The following ARID4A variants were observed in gnomAD, a reference collection of about 807,000 sequenced individuals.
The protein encoded by ARID4A is AT-rich interactive domain-containing protein 4A.
ARID4A carries 39 observed loss-of-function variants against 148.6 expected under a neutral mutation model. That is an observed-to-expected ratio of 0.26 (90% CI 0.20 to 0.34). The LOEUF (loss-of-function observed/expected upper bound fraction) is 0.34, where lower values mean the gene tolerates loss of function less well. ARID4A is among the 10% of genes least tolerant of loss of function. ARID4A has a pLI of 1.00. For missense variants in ARID4A, 1,265 were observed against 1,449.1 expected (o/e 0.87, Z 2.06); for synonymous variants, 475 against 481.2 (o/e 0.99, Z 0.17).
intron 16 of ARID4A, among the ~76,000 whole-genome samples, chr14:58,352,004 G>C (rs753097747): frequency 3.9e-5 from 6 of 152,160 alleles, no homozygotes; most frequent in Non-Finnish European, 7.4e-5. Flanking sequence ...AGCTGCTTCT[G>C]TAAGTGTTGT....
Position 58,311,386 on chromosome 14 carries a change from G to A in ARID4A, c.274+5274G>A, listed in dbSNP as rs560369011. On this transcript the variant is annotated intron_variant, in intron 5 of 23. Transcript: ENST00000355431. ...GAAATGCAAATTCAAACTACAAAGA[G>A]ATTTTACCTCACACCTGCTAGAATG... is the stretch of plus-strand genomic sequence containing the variant. Among the ~76,000 whole-genome samples, 6 of 152,250 alleles carry A rather than the reference G, an allele frequency of 3.9e-5. No individual in the cohort carries two copies. In the South Asian group the frequency reaches 1.2e-3, roughly 32 times the overall value.
intron 11 of ARID4A, among the ~76,000 whole-genome samples, chr14:58,343,553 G>A (rs915591017): frequency 6.6e-6 from 1 of 152,152 alleles, no homozygotes; most frequent in African/African-American, 2.4e-5. Context: ...TCCAGGCTGG[G>A]TGCTGTGGCT....
At chr14:58,359,375 C>T (rs2140258908) in intron 18 of ARID4A, among the ~76,000 whole-genome samples, 159 bp downstream of exon 18, 2 of 152,244 alleles carry the variant, frequency 1.3e-5, no homozygotes, top group Middle Eastern at 6.8e-3. Context: ...CATGCATAGC[C>T]TTCCCAGATT....
At chr14:58,342,424 A>T (rs1193211564) in intron 11 of ARID4A, among the ~76,000 whole-genome samples, 3 of 152,204 alleles carry the variant, frequency 2.0e-5, no homozygotes, top group Non-Finnish European at 2.9e-5. Flanking sequence ...AATACACATA[A>T]ATCAAATTTT....
intron 17 of ARID4A, among the ~76,000 whole-genome samples, chr14:58,357,032 T>C (rs1050351313): frequency 1.4e-4 from 21 of 152,234 alleles, no homozygotes; most frequent in Non-Finnish European, 2.4e-4. Context: ...TCTAGCGATA[T>C]GCAGTATGAT....
At chr14:58,335,264 T>G (rs979720572) in intron 11 of ARID4A, among the ~76,000 whole-genome samples, 2 of 152,078 alleles carry the variant, frequency 1.3e-5, no homozygotes, top group Admixed American at 6.6e-5. Flanking sequence ...ATCAAAGATG[T>G]CTCTTCTTAG....
chr14:58,340,014 G>C (rs2140217118), intron 11 of ARID4A, among the ~76,000 whole-genome samples: 3 of 152,250 alleles, frequency 2.0e-5, no homozygotes, highest in Middle Eastern at 6.8e-3. Context: ...GAGTATTGGG[G>C]ATTACAATTC....
chr14:58,310,964 G>A (rs1018778262), intron 5 of ARID4A, among the ~76,000 whole-genome samples: 1 of 151,856 alleles, frequency 6.6e-6, no homozygotes. Context: ...ATGGGCAAAA[G>A]GCTGGGCACG....
intron 15 of ARID4A, among the ~76,000 whole-genome samples, chr14:58,350,463 T>C (rs979073210): frequency 6.6e-6 from 1 of 152,200 alleles, no homozygotes; most frequent in Non-Finnish European, 1.5e-5. Flanking sequence ...GTGGGCTAGA[T>C]AGAAGCTAGT....
chr14:58,314,180 T>C (rs975806860), intron 5 of ARID4A, among the ~76,000 whole-genome samples: 1 of 152,250 alleles, frequency 6.6e-6, no homozygotes, highest in Non-Finnish European at 1.5e-5. Flanking sequence ...CCTTGTAGTC[T>C]GACTTTTTTT....
chr14:58,345,248 G>A lies in ARID4A; in HGVS notation c.979+481G>A, dbSNP rs375351211. Among the ~76,000 whole-genome samples the A allele has an allele frequency of 4.6e-5, 7 of 152,202 alleles. 1 individual carries two copies. In the East Asian group the frequency reaches 5.8e-4, roughly 13 times the overall value. The stretch of plus-strand genomic sequence containing the variant: ...GTAGTAAAATATTTGGAATTAAACT[G>A]TTCATACCTATTTTACATAGAAACA... On this transcript the variant is annotated intron_variant, in intron 12 of 23. Coordinates refer to ENST00000355431, the MANE Select transcript of ARID4A (RefSeq NM_002892.4).
At chr14:58,318,147 G>A (rs1439857540) in intron 5 of ARID4A, among the ~76,000 whole-genome samples, 1 of 152,166 alleles carries the variant, frequency 6.6e-6, no homozygotes, top group African/African-American at 2.4e-5. Context: ...GTTTCTGGAA[G>A]TTAGGGGTAC....
At chr14:58,304,662 C>G (rs556613854) in intron 3 of ARID4A, among the ~76,000 whole-genome samples, 1 of 152,044 alleles carries the variant, frequency 6.6e-6, no homozygotes, top group South Asian at 2.1e-4. Flanking sequence ...TTTTTTTTTA[C>G]AGTAATCATT....
chr14:58,350,494 T>C (rs1171459703), intron 15 of ARID4A, among the ~76,000 whole-genome samples: 1 of 152,152 alleles, frequency 6.6e-6, no homozygotes, highest in Non-Finnish European at 1.5e-5. Flanking sequence ...CATATTGCTG[T>C]TGGCCCAGCG....
chr14:58,354,507 AC>A lies in ARID4A; in HGVS notation c.1853+657del, dbSNP rs2034782610. On this transcript the variant is annotated intron_variant, in intron 17 of 23. Transcript: ENST00000355431. ...AGACCAGACCTGGCAACATAGTTAG[AC>A]CCCCATCTCTACAAAAAATTAAAAA... 5.3e-5 allele frequency among the ~76,000 whole-genome samples: 8 copies of A among 151,710 alleles called. No individual in the cohort carries two copies. The South Asian group carries it at 1.7e-3, about 32-fold the overall frequency.
chr14:58,349,668 C>T (rs1346607497), intron 15 of ARID4A, among the ~76,000 whole-genome samples: 4 of 151,870 alleles, frequency 2.6e-5, no homozygotes, highest in South Asian at 2.1e-4. Context: ...AAGCTGAGAT[C>T]GCACCACTGC....
At chr14:58,358,297 C>T (rs184136727) in intron 17 of ARID4A, among the ~76,000 whole-genome samples, 114 of 152,072 alleles carry the variant, frequency 7.5e-4, no homozygotes, top group African/African-American at 2.6e-3. Flanking sequence ...GGCGAAACCC[C>T]GTCTCTACGA....
Position 58,372,438 on chromosome 14 carries a change from TC to T in ARID4A, c.*450del, listed in dbSNP as rs1466047790. On this transcript the variant is annotated 3_prime_UTR_variant, in exon 24 of 24. Transcript: ENST00000355431. The stretch of plus-strand genomic sequence containing the variant: ...TAGGGGGTTTATGTTGTGTTTTTTT[TC>T]ATTATCGTTTTTTTTATTTTTGTGG... 4.3e-6 allele frequency: 1 copy of T among 231,698 alleles called. No individual in the cohort carries two copies. Among genetic ancestry groups the T allele is most frequent in the African/African-American group, 2.2e-5 (1 of 45,064 alleles). The allele number at this position is 231,698 out of a possible 1,614,324, so 14.4% of individuals were successfully genotyped here.
chr14:58,320,241 C>T (rs1397888278), intron 7 of ARID4A, among the ~76,000 whole-genome samples: 3 of 151,936 alleles, frequency 2.0e-5, no homozygotes, highest in Admixed American at 1.3e-4. Context: ...CCACCACACC[C>T]GGCCTATACT....
Sources: allele counts gnomAD v4.1 joint callset (sites outside exome capture counted in the v4.1 genomes callset), GRCh38; gene constraint gnomAD v4.1.1; transcripts MANE v1.5; gene names NCBI Gene and HGNC (gene_info 2026-07-23, HGNC 2026-07-21).